UBE3A: variants seen among roughly 807,000 people sequenced by gnomAD.
UBE3A encodes the protein ubiquitin-protein ligase E3A.
Under a neutral mutation model 83.4 loss-of-function variants are expected in UBE3A, and 6 were observed. The observed-to-expected ratio is 0.07, with a 90% CI of 0.04 to 0.14. UBE3A has a LOEUF of 0.14. Ranked by LOEUF, UBE3A falls within the 10% of genes least tolerant of loss-of-function variation. UBE3A has a pLI of 1.00. For synonymous variants in UBE3A, 337 were observed against 355.4 expected, an observed-to-expected ratio of 0.95 and a Z score of 0.58; for missense variants, 456 against 1,036.1, an observed-to-expected ratio of 0.44 and a Z score of 7.69.
intron 1 of UBE3A, among the ~76,000 whole-genome samples, chr15:25,426,864 G>A (rs1350858282): frequency 3.3e-5 from 5 of 152,080 alleles, no homozygotes; most frequent in East Asian, 3.9e-4. Context: ...TGTCACCGCG[G>A]CTGGAGTGCA....
intron 6 of UBE3A, among the ~76,000 whole-genome samples, chr15:25,366,111 G>A (rs147641016): frequency 9.9e-4 from 150 of 152,156 alleles, no homozygotes; most frequent in Non-Finnish European, 1.8e-3. Flanking sequence ...GTATATATAG[G>A]CTTCATTCTC....
chr15:25,406,856 G>GAAAAAAA lies in UBE3A; in HGVS notation c.21-1361_21-1355dup, dbSNP rs11413336. On this transcript the variant is annotated intron_variant, in intron 3 of 12. Transcript: ENST00000648336. ...GATTCCAAGGACAAGAATGGAAAAG[G>GAAAAAAA]AAAAAAAAAAAAAAAAAAGACTCCA... 2.7e-4 allele frequency among the ~76,000 whole-genome samples: 31 copies of GAAAAAAA among 114,540 alleles called. 1 individual carries two copies. The highest frequency in any genetic ancestry group is 3.7e-4 in the Non-Finnish European group (22 of 59,690). The allele number at this position is 114,540 out of a possible 152,430, so 75.1% of individuals were successfully genotyped here.
chr15:25,436,856 A>C (rs1895253508), intron 1 of UBE3A, among the ~76,000 whole-genome samples: 1 of 152,186 alleles, frequency 6.6e-6, no homozygotes, highest in Admixed American at 6.5e-5. Flanking sequence ...TCTCTGTATA[A>C]AGTTAAGCTC....
chr15:25,342,853 G>C (rs2075075145), intron 11 of UBE3A, among the ~76,000 whole-genome samples: 1 of 152,072 alleles, frequency 6.6e-6, no homozygotes, highest in African/African-American at 2.4e-5. Flanking sequence ...GTGTAGGTTA[G>C]AGCACTGGCA....
chr15:25,366,054 T>G (rs1315724620), intron 6 of UBE3A, among the ~76,000 whole-genome samples: 1 of 152,214 alleles, frequency 6.6e-6, no homozygotes, highest in Non-Finnish European at 1.5e-5. Flanking sequence ...TAATACTAAG[T>G]TTGATGTTTC....
chr15:25,407,961 T>A (rs2089041877), intron 3 of UBE3A: 1 of 152,192 alleles, frequency 6.6e-6, no homozygotes, highest in South Asian at 2.1e-4. Flanking sequence ...ATATGCCAGG[T>A]GTGGTAGTTC....
intron 11 of UBE3A, chr15:25,345,749 G>T (rs1319111391): frequency 1.3e-5 from 2 of 151,494 alleles, no homozygotes; most frequent in African/African-American, 2.4e-5. Context: ...GAGCTAAAAA[G>T]AATTTAAAAA....
intron 4 of UBE3A, among the ~76,000 whole-genome samples, chr15:25,404,074 A>C (rs1226392996): frequency 6.6e-6 from 1 of 152,200 alleles, no homozygotes. Flanking sequence ...AAAAATGGTG[A>C]AATGGAAAAT....
At chr15:25,398,784 T>TATATATATATATATATATATAC (rs2086261318) in intron 4 of UBE3A, among the ~76,000 whole-genome samples, 1 of 53,050 alleles carries the variant, frequency 1.9e-5, no homozygotes, top group Non-Finnish European at 3.7e-5. Context: ...TATATATATA[T>TATATATATATATATATATATAC]ATATATATAT....
intron 4 of UBE3A, among the ~76,000 whole-genome samples, chr15:25,398,526 G>A (rs1044928548): frequency 1.3e-5 from 2 of 151,806 alleles, no homozygotes; most frequent in Non-Finnish European, 2.9e-5. Context: ...ACATTTAAGA[G>A]AGATGTAGTA....
In UBE3A at chr15:25,372,000, G is replaced by C. The variant is rs1353759574; in HGVS notation, c.362-188C>G. ...TTAATGCTTACCTATTTTTTTCAAT[G>C]AACTACCTACCTATACCAATGACCT... is the stretch of plus-strand genomic sequence containing the variant. On this transcript the variant is annotated intron_variant, in intron 5 of 12. Transcript: ENST00000648336. The surrounding 1 kb of genome is among the most constrained non-coding windows in gnomAD (Gnocchi z 5.3). Among the ~76,000 whole-genome samples the C allele has an allele frequency of 6.6e-6, 1 of 151,720 alleles. No homozygotes were observed. Among genetic ancestry groups the C allele is most frequent in the African/African-American group, 2.4e-5 (1 of 41,300 alleles).
intron 1 of UBE3A, among the ~76,000 whole-genome samples, chr15:25,433,404 T>C (rs538856463): frequency 2.6e-5 from 4 of 152,212 alleles, no homozygotes; most frequent in Admixed American, 2.6e-4. Flanking sequence ...GCCAGGATGG[T>C]CTCGATCTCC....
intron 4 of UBE3A, among the ~76,000 whole-genome samples, chr15:25,383,733 G>A (rs186141457): frequency 1.6e-4 from 25 of 152,276 alleles, no homozygotes; most frequent in Admixed American, 1.5e-3. Flanking sequence ...CACAGCTAAT[G>A]TTATTCAATG....
intron 1 of UBE3A, among the ~76,000 whole-genome samples, chr15:25,413,398 C>A (rs1401801847): frequency 1.3e-5 from 2 of 151,854 alleles, no homozygotes; most frequent in African/African-American, 4.8e-5. Context: ...ATTATAACAC[C>A]CAACACTTCT....
chr15:25,355,784 GTTTT>G (rs901925825), intron 9 of UBE3A, 104 bp downstream of exon 9: 16 of 983,474 alleles, frequency 1.6e-5, no homozygotes, highest in Non-Finnish European at 2.2e-5. Flanking sequence ...TTAGTTACTT[GTTTT>G]TTTTTTGTAC....
At chr15:25,350,663 G>C (rs1403291155) in intron 11 of UBE3A, among the ~76,000 whole-genome samples, 1 of 151,936 alleles carries the variant, frequency 6.6e-6, no homozygotes, top group African/African-American at 2.4e-5. Flanking sequence ...ATTCACAATA[G>C]TCCCAAACTG....
At chr15:25,421,350 C>G (rs1424185135) in intron 1 of UBE3A, among the ~76,000 whole-genome samples, 2 of 152,154 alleles carry the variant, frequency 1.3e-5, no homozygotes, top group Admixed American at 1.3e-4. Flanking sequence ...GCACCAGGGG[C>G]CAAATAAACT....
At chr15:25,375,433 A>C in intron 5 of UBE3A, 32 bp downstream of exon 5, 2 of 1,609,542 alleles carry the variant, frequency 1.2e-6, no homozygotes, top group Non-Finnish European at 1.7e-6. Context: ...GTTTTCAGGC[A>C]ACAATTCTCA....
intron 6 of UBE3A, among the ~76,000 whole-genome samples, chr15:25,362,199 T>C (rs2078227114): frequency 6.6e-6 from 1 of 152,232 alleles, no homozygotes; most frequent in African/African-American, 2.4e-5. Context: ...TTGACAAAAC[T>C]AGCTGAAATT....
Sources: gnomAD v4.1 joint callset for allele counts (sites outside exome capture counted in the v4.1 genomes callset) on GRCh38, gnomAD v4.1.1 for gene constraint, Gnocchi (gnomAD v3.1) non-coding constraint, MANE v1.5 for transcripts, NCBI Gene and HGNC (gene_info 2026-07-23, HGNC 2026-07-21) for gene names.